The following FBN3 variants were observed in gnomAD, a reference collection of about 807,000 sequenced individuals.
FBN3 encodes the protein fibrillin-3.
FBN3 carries 234 observed loss-of-function variants against 330.1 expected under a neutral mutation model. That is an observed-to-expected ratio of 0.71 (90% confidence interval 0.64 to 0.79). The LOEUF is 0.79. Ranked by LOEUF, FBN3 falls within the 30% of genes least tolerant of loss-of-function variation. FBN3 has a pLI of 0.00. For synonymous variants in FBN3, 1,458 were observed against 1,517.3 expected, an observed-to-expected ratio of 0.96 and a Z score of 0.91; for missense variants, 3,606 against 3,886.9, an observed-to-expected ratio of 0.93 and a Z score of 1.92.
intron 62 of FBN3, 86 bp downstream of exon 62, chr19:8,072,977 G>GTGTGTGTA (rs2081553120): frequency 1.3e-6 from 1 of 760,398 alleles, no homozygotes; most frequent in Non-Finnish European, 2.2e-6. Flanking sequence ...GTGTGTGTGT[G>GTGTGTGTA]TGTGTGTGTG....
At chr19:8,110,796 C>T in intron 34 of FBN3, 49 bp downstream of exon 34, 1 of 1,611,630 alleles carries the variant, frequency 6.2e-7, no homozygotes, top group African/African-American at 1.3e-5. Flanking sequence ...TGTCCCCTGC[C>T]CCAACTCCTG....
chr19:8,130,664 A>AAAGGAAAGGAAAGGAAAGGAAAG (rs1165459894), intron 16 of FBN3, among the ~76,000 whole-genome samples: 13 of 21,740 alleles, frequency 6.0e-4, no homozygotes, highest in East Asian at 1.9e-3. Context: ...GGAAAGGAAA[A>AAAGGAAAGGAAAGGAAAGGAAAG]GAAAAGAAAA....
intron 7 of FBN3, 46 bp downstream of exon 7, chr19:8,141,894 C>G (rs1454052828): frequency 1.2e-6 from 2 of 1,612,312 alleles, no homozygotes; most frequent in Admixed American, 1.7e-5. Flanking sequence ...GAGGGAAGAA[C>G]CAAGGCAGCT....
chr19:8,145,719 G>T, intron 5 of FBN3, 124 bp downstream of exon 5: 1 of 533,894 alleles, frequency 1.9e-6, no homozygotes. Flanking sequence ...GGCAATAAAC[G>T]TCCCCTGCAA....
chr19:8,096,189 C>G lies in FBN3; in HGVS notation c.5540-109G>C. 1.1e-6 allele frequency: 1 copy of G among 939,474 alleles called. No individual in the cohort carries two copies. Among genetic ancestry groups the G allele is most frequent in the Admixed American group, 1.8e-5 (1 of 56,502 alleles). 58.2% of individuals were successfully genotyped at this position (939,474 alleles called of 1,614,324 possible). A position where few individuals can be genotyped will look rare whatever the true frequency, so the allele number is the denominator to read the frequency against. The stretch of plus-strand genomic sequence containing the variant: ...ACTCCTCCCCTGCACCTAGCCCTGC[C>G]TAGATGACTGGGCAGTGACCCCTGG... On this transcript the variant is annotated intron_variant, in intron 44 of 63. Transcript: ENST00000600128. The surrounding 1 kb of genome is among the most constrained non-coding windows in gnomAD (Gnocchi z 4.6).
chr19:8,117,249 T>C lies in FBN3; in HGVS notation c.3506A>G (p.His1169Arg). The C allele has an allele frequency of 1.2e-6, 2 of 1,608,482 alleles. No individual in the cohort carries two copies. Among genetic ancestry groups the C allele is most frequent in the Non-Finnish European group, 1.7e-6 (2 of 1,177,258 alleles). The change falls in exon 28 of 64, where the codon CAC (histidine) becomes CGC (arginine). Residue 1169 changes from histidine to arginine, a missense_variant. His to Arg is a conservative substitution (Grantham distance 29, BLOSUM62 0). Coordinates refer to ENST00000600128, the MANE Select transcript of FBN3 (RefSeq NM_032447.5). ...CRVQNGGCDV[H>R]CINTEGSYRC... ...GTAGCTGCCCTCAGTGTTAATACAG[T>C]GCACGTCACACCCACCATTCTGGAC...
Position 8,109,474 on chromosome 19 carries a change from T to G in FBN3, c.4457-86A>C, listed in dbSNP as rs2082527693. ...GCATGCATGTGTCTATTTCAACAGG[T>G]GACAAGGACAACCACTCTTGCAGGA... On this transcript the variant is annotated intron_variant, in intron 35 of 63. Transcript: ENST00000600128. This position sits in a 1 kb window ranked among gnomAD's most constrained non-coding sequence, Gnocchi z 5.2. The G allele has an allele frequency of 1.3e-6, 2 of 1,559,526 alleles. No individual in the cohort carries two copies. The highest frequency in any genetic ancestry group is 8.8e-7 in the Non-Finnish European group (1 of 1,139,470).
Position 8,144,975 on chromosome 19 carries a change from G to A in FBN3, c.446-3C>T, listed in dbSNP as rs2083499289. On this transcript the variant is annotated splice_polypyrimidine_tract_variant and splice_region_variant and intron_variant, in intron 5 of 63. Coordinates refer to ENST00000600128, the MANE Select transcript of FBN3 (RefSeq NM_032447.5). Reference sequence around the variant, plus strand: ...GTGGCAGCCGCGGTCACAGATGGCTGTGGAGGAGAGAGGGTGATGGCTGGA... The same window carrying A: ...GTGGCAGCCGCGGTCACAGATGGCTATGGAGGAGAGAGGGTGATGGCTGGA... The A allele has an allele frequency of 3.1e-6, 5 of 1,607,152 alleles. No individual in the cohort carries two copies. Among genetic ancestry groups the A allele is most frequent in the Non-Finnish European group, 3.4e-6 (4 of 1,177,906 alleles).
intron 13 of FBN3, among the ~76,000 whole-genome samples, chr19:8,134,824 C>T (rs1035435248): frequency 1.3e-5 from 2 of 151,708 alleles, no homozygotes; most frequent in African/African-American, 2.4e-5. Flanking sequence ...ATCCCAGCTA[C>T]TCAGGAGGCT....
chr19:8,077,059 C>G (rs746968064), intron 59 of FBN3, among the ~76,000 whole-genome samples: 3 of 152,188 alleles, frequency 2.0e-5, no homozygotes, highest in African/African-American at 7.2e-5. Flanking sequence ...CCACTGCGCC[C>G]GGCCCAGTTT....
At chr19:8,138,623 C>G (rs2083343656) in intron 8 of FBN3, 59 bp from the exon 9 acceptor site, 23 of 1,505,466 alleles carry the variant, frequency 1.5e-5, no homozygotes, top group Non-Finnish European at 2.0e-5. Flanking sequence ...AGACCTGGAT[C>G]CAAATTCCAG....
chr19:8,076,561 C>T (rs1284416684), intron 59 of FBN3, among the ~76,000 whole-genome samples: 1 of 152,178 alleles, frequency 6.6e-6, no homozygotes, highest in East Asian at 1.9e-4. Flanking sequence ...ATCGCTTGAA[C>T]CCGGGAGGCG....
chr19:8,073,192 T>C lies in FBN3; in HGVS notation c.7808A>G (p.Gln2603Arg). 1 of 1,613,952 alleles carries C rather than the reference T, an allele frequency of 6.2e-7. No homozygotes were observed. Among genetic ancestry groups the C allele is most frequent in the African/African-American group, 1.3e-5 (1 of 75,030 alleles). The change falls in exon 62 of 64, where the codon CAG becomes CGG. Residue 2603 changes from glutamine (Q) to arginine (R), a missense_variant. Physicochemically the swap from Gln to Arg is conservative, Grantham distance 43. Transcript: ENST00000600128. ...CACCTCCTGGCAGCCCCCGAGGGCC[T>C]GATCAAAGTCAAAGCCAGAGGGGCA... ...CVCPSGFDFD[Q>R]ALGGCQEVDE...
At position 8,075,182 on chromosome 19, in the gene FBN3, C is replaced by G; in HGVS notation, c.7591G>C (p.Glu2531Gln). The G allele has an allele frequency of 6.4e-7, 1 of 1,567,768 alleles. No individual in the cohort carries two copies. The highest frequency in any genetic ancestry group is 8.7e-7 in the Non-Finnish European group (1 of 1,154,056). The change falls in exon 61 of 64, where the codon GAA (glutamate) becomes CAA (glutamine). Residue 2531 changes from glutamate to glutamine, a missense_variant. Physicochemically the swap from Glu to Gln is conservative, Grantham distance 29. Transcript: ENST00000600128. ...TGGCAGCGGTGGGGCCCATCACATT[C>G]ATTCACATCTGAGACATAGAGAGAG... Reference protein sequence around the residue: ...SSGHGCEDVNECDGPHRCQHG... With the variant: ...SSGHGCEDVNQCDGPHRCQHG...
At chr19:8,090,461 A>AGTT (rs577583793) in intron 48 of FBN3, among the ~76,000 whole-genome samples, 2 of 135,288 alleles carry the variant, frequency 1.5e-5, no homozygotes, top group African/African-American at 2.8e-5. Context: ...CTGGGTTTTT[A>AGTT]GTTGTTGTTG....
At chr19:8,075,020 T>G in intron 61 of FBN3, 51 bp downstream of exon 61, 1 of 1,576,952 alleles carries the variant, frequency 6.3e-7, no homozygotes, top group Non-Finnish European at 8.6e-7. Context: ...TCGCCTGCTC[T>G]GAGCAGATTC....
chr19:8,125,960 G>A lies in FBN3; in HGVS notation c.2663C>T (p.Thr888Ile). Reference protein sequence around the residue: ...GVCPNGRCVNTAGSFRCECPE... With the variant: ...GVCPNGRCVNIAGSFRCECPE... ...ACACTCACAGCGGAAAGACCCAGCA[G>A]TGTTGACGCAACGCCCGTTGGGACA... Residue 888 changes from threonine to isoleucine, a missense_variant, in exon 22 of 64, where the codon ACT becomes ATT. By Grantham distance (89) the Thr-to-Ile change is moderately conservative. Coordinates refer to ENST00000600128, the MANE Select transcript of FBN3 (RefSeq NM_032447.5). 1 of 1,613,964 alleles carries A rather than the reference G, an allele frequency of 6.2e-7. No homozygotes were observed. The highest frequency in any genetic ancestry group is 1.1e-5 in the South Asian group (1 of 91,080).
intron 50 of FBN3, 111 bp from the exon 51 acceptor site, chr19:8,089,781 G>T (rs945319777): frequency 1.3e-5 from 20 of 1,553,088 alleles, no homozygotes; most frequent in African/African-American, 2.7e-5. Context: ...GGCTGGCAGG[G>T]TCCAGGGCCA....
At position 8,135,945 on chromosome 19, in the gene FBN3, C is replaced by CCCCCCCCCCCCCCCA; in HGVS notation, c.1591+15_1591+16insTGGGGGGGGGGGGGG. On this transcript the variant is annotated intron_variant, in intron 13 of 63. Transcript: ENST00000600128. ...GGGCCCGGAAGCCCCTGCCCACCCG[C>CCCCCCCCCCCCCCCA]CCACCCCCAACTCACCCACACAGTT... The CCCCCCCCCCCCCCCA allele has an allele frequency of 4.1e-6, 2 of 488,808 alleles. No homozygotes were observed. Among genetic ancestry groups the CCCCCCCCCCCCCCCA allele is most frequent in the Non-Finnish European group, 8.0e-6 (2 of 249,000 alleles). The allele number at this position is 488,808 out of a possible 1,614,324, so 30.3% of individuals were successfully genotyped here.
Sources: gnomAD v4.1 joint callset for allele counts (sites outside exome capture counted in the v4.1 genomes callset) on GRCh38, gnomAD v4.1.1 for gene constraint, Gnocchi (gnomAD v3.1) non-coding constraint, MANE v1.5 for transcripts, NCBI Gene and HGNC (gene_info 2026-07-23, HGNC 2026-07-21) for gene names.